Variants in SLCO1B1 observed in about 807,000 individuals in gnomAD.
The protein encoded by SLCO1B1 is OATP-2.
In SLCO1B1, 81 loss-of-function variants were observed where a neutral mutation model predicts 70.1. The ratio of observed to expected loss-of-function variants is 1.16; its 90% CI spans 0.97 to 1.39. The LOEUF (loss-of-function observed/expected upper bound fraction) is 1.39. Ranked by LOEUF, SLCO1B1 falls within the 40% of genes most tolerant of loss-of-function variation. SLCO1B1 has a pLI of 0.00. For missense variants in SLCO1B1, 895 were observed against 799.6 expected (o/e 1.12, Z -1.44); for synonymous variants, 283 against 271.5 (o/e 1.04, Z -0.42).
In SLCO1B1 at chr12:21,239,307, G is replaced by C; in HGVS notation, c.*118G>C. On this transcript the variant is annotated 3_prime_UTR_variant, in exon 15 of 15. Coordinates refer to ENST00000256958, the MANE Select transcript of SLCO1B1 (RefSeq NM_006446.5). ...CACTAAGAATTTCCACATCTTTTATGGTGGAAGTATAAATAAGCCTATGAA... is the reference window on the plus strand; with the variant it reads ...CACTAAGAATTTCCACATCTTTTATCGTGGAAGTATAAATAAGCCTATGAA... 1.3e-6 allele frequency: 1 copy of C among 786,984 alleles called. No homozygotes were observed. The highest frequency in any genetic ancestry group is 2.3e-6 in the Non-Finnish European group (1 of 441,602). 48.8% of individuals were successfully genotyped at this position (786,984 alleles called of 1,614,324 possible). A position where few individuals can be genotyped will look rare whatever the true frequency, so the allele number is the denominator to read the frequency against.
At chr12:21,189,307 G>A (rs901302158) in intron 7 of SLCO1B1, among the ~76,000 whole-genome samples, 1 of 152,132 alleles carries the variant, frequency 6.6e-6, no homozygotes, top group Admixed American at 6.6e-5. Flanking sequence ...CAGGTGTAAG[G>A]TGTAGGAAAA....
chr12:21,136,119 G>C (rs1421050508), intron 1 of SLCO1B1, among the ~76,000 whole-genome samples: 1 of 152,074 alleles, frequency 6.6e-6, no homozygotes, highest in African/African-American at 2.4e-5. Flanking sequence ...TGAAATTCTG[G>C]GTTGAAAATT....
At chr12:21,215,066 A>T (rs1450739247) in intron 11 of SLCO1B1, among the ~76,000 whole-genome samples, 2 of 152,176 alleles carry the variant, frequency 1.3e-5, no homozygotes, top group African/African-American at 4.8e-5. Context: ...AGCTGTTCCT[A>T]TTCGGCCATC....
At chr12:21,148,847 A>C (rs1178364236) in intron 2 of SLCO1B1, among the ~76,000 whole-genome samples, 1 of 152,036 alleles carries the variant, frequency 6.6e-6, no homozygotes, top group Non-Finnish European at 1.5e-5. Flanking sequence ...GATTCTTCCT[A>C]TCCATGAGCA....
chr12:21,162,641 A>T (rs1940635372), intron 2 of SLCO1B1, among the ~76,000 whole-genome samples: 1 of 152,188 alleles, frequency 6.6e-6, no homozygotes, highest in Non-Finnish European at 1.5e-5. Flanking sequence ...GATAATAAGG[A>T]GATGTATAAT....
At position 21,151,359 on chromosome 12, in the gene SLCO1B1, A is replaced by T. The variant is rs145117241; in HGVS notation, c.84+9701A>T. Among the ~76,000 whole-genome samples, 791 of 152,274 alleles carry T rather than the reference A, an allele frequency of 5.2e-3. 11 individuals carry two copies. Among genetic ancestry groups the T allele is most frequent in the African/African-American group, 0.018 (758 of 41,552 alleles). On this transcript the variant is annotated intron_variant, in intron 2 of 14. Transcript: ENST00000256958. ...GTGTTTGCAAGATAAATTTACAAATAATTCAAGTCCACTTTCACGTGACGT... is the reference window on the plus strand; with the variant it reads ...GTGTTTGCAAGATAAATTTACAAATTATTCAAGTCCACTTTCACGTGACGT...
At chr12:21,168,271 G>A (rs1436585460) in intron 2 of SLCO1B1, among the ~76,000 whole-genome samples, 1 of 152,092 alleles carries the variant, frequency 6.6e-6, no homozygotes, top group East Asian at 1.9e-4. Context: ...ATTCCATTGT[G>A]TATGTATACC....
At chr12:21,184,071 A>G (rs1940935926) in intron 7 of SLCO1B1, among the ~76,000 whole-genome samples, 1 of 152,174 alleles carries the variant, frequency 6.6e-6, no homozygotes, top group Admixed American at 6.5e-5. Flanking sequence ...ATAAAAATGA[A>G]GAAAACTTCT....
In SLCO1B1 at chr12:21,239,393, A is replaced by G; in HGVS notation, c.*204A>G. ...GAGTACTCATTGTTACATTATAGCT[A>G]CATATTTGTGGTTAAGGTTAGACTA... On this transcript the variant is annotated 3_prime_UTR_variant, in exon 15 of 15. Transcript: ENST00000256958. 1 of 532,462 alleles carries G rather than the reference A, an allele frequency of 1.9e-6. No homozygotes were observed. The highest frequency in any genetic ancestry group is 3.4e-6 in the Non-Finnish European group (1 of 294,934). 33.0% of individuals were successfully genotyped at this position (532,462 alleles called of 1,614,324 possible). A position where few individuals can be genotyped will look rare whatever the true frequency, so the allele number is the denominator to read the frequency against.
intron 1 of SLCO1B1, among the ~76,000 whole-genome samples, chr12:21,133,571 G>C (rs924255310): frequency 1.3e-5 from 2 of 152,008 alleles, no homozygotes; most frequent in African/African-American, 4.8e-5. Context: ...TGGATTCCTA[G>C]GTATTTTATT....
intron 2 of SLCO1B1, among the ~76,000 whole-genome samples, chr12:21,165,975 G>C: frequency 6.6e-6 from 1 of 151,112 alleles, no homozygotes; most frequent in Middle Eastern, 3.4e-3. Flanking sequence ...TTGAAGATAA[G>C]ACAATTGAAA....
chr12:21,222,077 C>A (rs1483409564), intron 12 of SLCO1B1, among the ~76,000 whole-genome samples: 1 of 151,544 alleles, frequency 6.6e-6, no homozygotes, highest in East Asian at 1.9e-4. Flanking sequence ...ATATTTTAAG[C>A]CATCTTGAAA....
chr12:21,132,169 T>A (rs1311922200), intron 1 of SLCO1B1, among the ~76,000 whole-genome samples: 1 of 152,156 alleles, frequency 6.6e-6, no homozygotes, highest in African/African-American at 2.4e-5. Flanking sequence ...CATAAACTCA[T>A]CATTTTTATG....
chr12:21,133,136 T>G (rs907603866), intron 1 of SLCO1B1, among the ~76,000 whole-genome samples: 1 of 152,190 alleles, frequency 6.6e-6, no homozygotes, highest in African/African-American at 2.4e-5. Flanking sequence ...AAAGATCAGA[T>G]AGTTGTAGAT....
At chr12:21,191,213 A>G (rs11045839) in intron 7 of SLCO1B1, among the ~76,000 whole-genome samples, 1,602 of 151,790 alleles carry the variant, frequency 0.011, 41 homozygotes, top group South Asian at 0.039. Flanking sequence ...TTGAATCTTT[A>G]CATATATTTG....
chr12:21,197,321 T>A, intron 8 of SLCO1B1, 133 bp downstream of exon 8: 2 of 905,924 alleles, frequency 2.2e-6, no homozygotes, highest in Non-Finnish European at 3.3e-6. Flanking sequence ...TTAGATAAAT[T>A]ATTTTTCTAA....
At chr12:21,137,478 A>C (rs538471823) in intron 1 of SLCO1B1, among the ~76,000 whole-genome samples, 1 of 152,154 alleles carries the variant, frequency 6.6e-6, no homozygotes, top group African/African-American at 2.4e-5. Context: ...GGTGGGCTCC[A>C]CCCAGTTCGA....
chr12:21,138,070 CA>C (rs1940253034), intron 1 of SLCO1B1, among the ~76,000 whole-genome samples: 1 of 152,166 alleles, frequency 6.6e-6, no homozygotes, highest in African/African-American at 2.4e-5. Context: ...CTTGATAAGA[CA>C]ATTGTTTTTA....
At chr12:21,169,078 A>C (rs78819255) in intron 2 of SLCO1B1, among the ~76,000 whole-genome samples, 1 of 152,072 alleles carries the variant, frequency 6.6e-6, no homozygotes, top group Non-Finnish European at 1.5e-5. Flanking sequence ...ATTTCATTGC[A>C]TGTGGGTATC....
Sources: allele counts gnomAD v4.1 joint callset (sites outside exome capture counted in the v4.1 genomes callset), GRCh38; gene constraint gnomAD v4.1.1; transcripts MANE v1.5; gene names NCBI Gene and HGNC (gene_info 2026-07-23, HGNC 2026-07-21).